CFAP263: variants seen among roughly 807,000 people sequenced by gnomAD.
CFAP263 encodes cilia- and flagella-associated protein 263.
chr16:58,265,926 G>A, the CFAP263 span, among the ~76,000 whole-genome samples: 3 of 152,180 alleles, frequency 2.0e-5, no homozygotes, highest in Admixed American at 2.0e-4. Flanking sequence ...GTTGGTGACC[G>A]CTTGTCTTCC....
the CFAP263 span, chr16:58,283,228 G>A: frequency 6.6e-6 from 1 of 152,236 alleles, no homozygotes; most frequent in Admixed American, 6.5e-5. Flanking sequence ...GATTCTACAT[G>A]TGGGAATTGT....
At chr16:58,280,964 C>T in the CFAP263 span, 1 of 558,178 alleles carries the variant, frequency 1.8e-6, no homozygotes, top group Non-Finnish European at 3.2e-6. Context: ...TGCAAATTAG[C>T]TGTGGACTTC....
chr16:58,262,586 C>A, the CFAP263 span: 2 of 1,525,528 alleles, frequency 1.3e-6, no homozygotes, highest in Non-Finnish European at 1.8e-6. Context: ...GCTTTCCACA[C>A]TCACCTTTCT....
the CFAP263 span, among the ~76,000 whole-genome samples, chr16:58,263,363 T>C: frequency 2.6e-5 from 4 of 152,258 alleles, no homozygotes; most frequent in Non-Finnish European, 5.9e-5. Flanking sequence ...TTCTACAGTA[T>C]TGTACTCAGT....
chr16:58,274,666 C>T, the CFAP263 span, among the ~76,000 whole-genome samples: 2 of 152,216 alleles, frequency 1.3e-5, no homozygotes, highest in Non-Finnish European at 2.9e-5. Flanking sequence ...CACTTTCCAC[C>T]ATGATTGTAA....
the CFAP263 span, among the ~76,000 whole-genome samples, chr16:58,264,428 T>G: frequency 6.6e-6 from 1 of 152,164 alleles, no homozygotes; most frequent in Non-Finnish European, 1.5e-5. Flanking sequence ...GCTTGCAGTA[T>G]CCGAGATCAG....
At chr16:58,265,809 C>T in the CFAP263 span, among the ~76,000 whole-genome samples, 1 of 152,212 alleles carries the variant, frequency 6.6e-6, no homozygotes, top group Non-Finnish European at 1.5e-5. Flanking sequence ...GACTCAGCAT[C>T]ACCAATTTCG....
At chr16:58,277,204 C>T in the CFAP263 span, among the ~76,000 whole-genome samples, 13,266 of 152,006 alleles carry the variant, frequency 0.087, 752 homozygotes, top group Admixed American at 0.12. Flanking sequence ...TCTCGGCTTA[C>T]TGCAACCTCC....
At chr16:58,269,483 C>T in the CFAP263 span, among the ~76,000 whole-genome samples, 1 of 152,018 alleles carries the variant, frequency 6.6e-6, no homozygotes, top group African/African-American at 2.4e-5. Context: ...TTCTCCATTC[C>T]CCACACTCCA....
At chr16:58,258,494 A>G in the CFAP263 span, 1 of 1,614,174 alleles carries the variant, frequency 6.2e-7, no homozygotes, top group Non-Finnish European at 8.5e-7. Flanking sequence ...GAAAGTGATG[A>G]AATACATTGA....
chr16:58,254,872 T>C, the CFAP263 span, among the ~76,000 whole-genome samples: 2 of 152,180 alleles, frequency 1.3e-5, no homozygotes, highest in East Asian at 3.8e-4. Flanking sequence ...CCCAAAGTGC[T>C]GGGATTACAG....
the CFAP263 span, among the ~76,000 whole-genome samples, chr16:58,259,411 A>T: frequency 2.0e-5 from 3 of 152,282 alleles, no homozygotes; most frequent in East Asian, 1.9e-4. Context: ...GTTATGAGAA[A>T]AAAGGAGAAT....
the CFAP263 span, chr16:58,280,839 T>G: frequency 9.0e-6 from 12 of 1,339,316 alleles, no homozygotes; most frequent in East Asian, 2.3e-4. Flanking sequence ...ATACTGTTTG[T>G]TCTAGAAATG....
At chr16:58,282,867 T>G in the CFAP263 span, 1 of 152,142 alleles carries the variant, frequency 6.6e-6, no homozygotes, top group Non-Finnish European at 1.5e-5. Flanking sequence ...ATTGGATGAG[T>G]GATTGGTAGA....
the CFAP263 span, among the ~76,000 whole-genome samples, chr16:58,270,169 T>C: frequency 5.3e-4 from 80 of 152,338 alleles, no homozygotes; most frequent in Middle Eastern, 3.4e-3. Context: ...TAGTTTATAA[T>C]TGGGTTATTT....
the CFAP263 span, among the ~76,000 whole-genome samples, chr16:58,272,466 G>A: frequency 6.6e-6 from 1 of 152,132 alleles, no homozygotes; most frequent in Non-Finnish European, 1.5e-5. Context: ...AGATGGTGTA[G>A]CCTACTACAC....
the CFAP263 span, among the ~76,000 whole-genome samples, chr16:58,268,322 C>A: frequency 6.6e-6 from 1 of 152,178 alleles, no homozygotes; most frequent in Non-Finnish European, 1.5e-5. Context: ...GGATATGATG[C>A]AAAGAGAACT....
At chr16:58,263,432 T>C in the CFAP263 span, among the ~76,000 whole-genome samples, 1 of 152,298 alleles carries the variant, frequency 6.6e-6, no homozygotes, top group East Asian at 1.9e-4. Context: ...CTTGTTAATA[T>C]AAGTACACAA....
the CFAP263 span, among the ~76,000 whole-genome samples, chr16:58,251,968 A>G: frequency 3.3e-5 from 5 of 152,206 alleles, no homozygotes; most frequent in Non-Finnish European, 7.3e-5. Flanking sequence ...TTTATGATAA[A>G]CTTCTGGTTG....
Sources: gnomAD v4.1 joint callset for allele counts (sites outside exome capture counted in the v4.1 genomes callset) on GRCh38, gnomAD v4.1.1 for gene constraint, MANE v1.5 for transcripts, NCBI Gene and HGNC (gene_info 2026-07-23, HGNC 2026-07-21) for gene names.